The following BBX variants were observed in gnomAD, a reference collection of about 807,000 sequenced individuals.
The protein encoded by BBX is HMG box transcription factor BBX.
In BBX, 30 loss-of-function variants were observed where a neutral mutation model predicts 100.2. That is an observed-to-expected ratio of 0.30 (90% CI 0.22 to 0.41). The LOEUF is 0.41. Ranked by LOEUF, BBX falls within the 10% of genes least tolerant of loss-of-function variation. BBX has a pLI of 1.00. For synonymous variants in BBX, 376 were observed against 388.1 expected (o/e 0.97, Z 0.37); for missense variants, 1,023 against 1,129.8 (o/e 0.91, Z 1.35).
At chr3:107,583,025 A>T (rs1376515454) in intron 2 of BBX, among the ~76,000 whole-genome samples, 1 of 151,670 alleles carries the variant, frequency 6.6e-6, no homozygotes, top group Non-Finnish European at 1.5e-5. Context: ...ATTAGACGCA[A>T]GGCTGTTAGC....
intron 2 of BBX, among the ~76,000 whole-genome samples, chr3:107,586,795 G>T (rs1253091780): frequency 6.6e-6 from 1 of 151,296 alleles, no homozygotes; most frequent in Non-Finnish European, 1.5e-5. Flanking sequence ...TTTTTGCCCA[G>T]GCTAGAGTGC....
intron 15 of BBX, 147 bp from the exon 16 acceptor site, chr3:107,798,376 A>AT (rs1179582698): frequency 2.7e-6 from 2 of 732,420 alleles, no homozygotes; most frequent in Admixed American, 5.7e-5. Flanking sequence ...GCAACGTTTT[A>AT]TTTCATTTTT....
rs2057909305 is a variant in BBX at position 107,652,672 on chromosome 3, T to G, written c.-10+6763T>G. Among the ~76,000 whole-genome samples the G allele has an allele frequency of 7.2e-5, 11 of 152,142 alleles. No homozygotes were observed. In the South Asian group the frequency reaches 2.3e-3, roughly 32 times the overall value. ...CTACTCTGAAAGGTGTTGGATCAAT[T>G]AAGTATTTTTATATTGAAGTCTGTA... On this transcript the variant is annotated intron_variant, in intron 3 of 17. Transcript: ENST00000325805.
At chr3:107,803,565 A>G (rs1231027105) in intron 17 of BBX, among the ~76,000 whole-genome samples, 1 of 152,244 alleles carries the variant, frequency 6.6e-6, no homozygotes, top group East Asian at 1.9e-4. Flanking sequence ...TACAAAATAC[A>G]CAAAATAGAG....
intron 2 of BBX, among the ~76,000 whole-genome samples, chr3:107,611,631 G>GT (rs2054856707): frequency 6.6e-6 from 1 of 152,030 alleles, no homozygotes; most frequent in Non-Finnish European, 1.5e-5. Flanking sequence ...CAGGTTATTT[G>GT]TTTCTTTCCT....
At chr3:107,635,275 C>A (rs1038073574) in intron 2 of BBX, among the ~76,000 whole-genome samples, 1 of 152,212 alleles carries the variant, frequency 6.6e-6, no homozygotes, top group African/African-American at 2.4e-5. Context: ...CTCACTGAAG[C>A]GAAACACTGT....
intron 2 of BBX, among the ~76,000 whole-genome samples, chr3:107,594,670 G>A (rs533005911): frequency 2.0e-5 from 3 of 152,280 alleles, no homozygotes; most frequent in Admixed American, 1.3e-4. Flanking sequence ...AAACAGGAAT[G>A]AAAATAATAG....
chr3:107,560,440 A>G (rs918264625), intron 2 of BBX, among the ~76,000 whole-genome samples: 4 of 152,246 alleles, frequency 2.6e-5, no homozygotes, highest in African/African-American at 9.6e-5. Flanking sequence ...TCAGCTAGGA[A>G]GTGAGAATAA....
intron 2 of BBX, among the ~76,000 whole-genome samples, chr3:107,596,987 T>A (rs538988135): frequency 1.3e-5 from 2 of 152,234 alleles, no homozygotes; most frequent in Non-Finnish European, 2.9e-5. Flanking sequence ...TAAACTTTTT[T>A]ACTCCTGTAA....
chr3:107,733,147 T>A (rs2063415406), intron 7 of BBX, 124 bp downstream of exon 7: 5 of 825,062 alleles, frequency 6.1e-6, no homozygotes, highest in Non-Finnish European at 9.3e-6. Context: ...CTTTATAATC[T>A]TTCTCTTTAA....
chr3:107,673,960 A>C (rs1179468158), intron 3 of BBX, among the ~76,000 whole-genome samples: 1 of 152,190 alleles, frequency 6.6e-6, no homozygotes, highest in Non-Finnish European at 1.5e-5. Flanking sequence ...GTTGGTGGAC[A>C]GATGTGAACT....
intron 17 of BBX, among the ~76,000 whole-genome samples, chr3:107,801,668 C>G (rs1447749652): frequency 2.0e-5 from 3 of 151,844 alleles, no homozygotes; most frequent in Non-Finnish European, 4.4e-5. Flanking sequence ...GGTTTTTTTC[C>G]TCTAAAAAAA....
intron 7 of BBX, among the ~76,000 whole-genome samples, chr3:107,733,763 C>T (rs1428321163): frequency 6.6e-6 from 1 of 152,192 alleles, no homozygotes; most frequent in Non-Finnish European, 1.5e-5. Flanking sequence ...CCACTGTGCT[C>T]AGCCTGTTTG....
At chr3:107,552,032 T>C (rs923293887) in intron 2 of BBX, among the ~76,000 whole-genome samples, 1 of 152,074 alleles carries the variant, frequency 6.6e-6, no homozygotes, top group Admixed American at 6.5e-5. Flanking sequence ...TGTGAGAGTT[T>C]AGTACAGCGT....
chr3:107,703,448 G>A (rs1263143055), intron 3 of BBX, among the ~76,000 whole-genome samples: 5 of 152,062 alleles, frequency 3.3e-5, no homozygotes, highest in African/African-American at 4.8e-5. Context: ...CTGTCCCAAG[G>A]CTAAGTGTCG....
At chr3:107,633,945 A>G (rs1310094324) in intron 2 of BBX, among the ~76,000 whole-genome samples, 1 of 152,220 alleles carries the variant, frequency 6.6e-6, no homozygotes, top group African/African-American at 2.4e-5. Context: ...TGTTCTTACC[A>G]GATGTAGACA....
intron 3 of BBX, among the ~76,000 whole-genome samples, chr3:107,654,338 A>G (rs1403719974): frequency 6.6e-6 from 1 of 152,182 alleles, no homozygotes; most frequent in African/African-American, 2.4e-5. Flanking sequence ...AACAAAAGAT[A>G]TATCTTTCTA....
rs574443392 is a variant in BBX at position 107,631,373 on chromosome 3, C to T, written c.-83-14463C>T. 5.9e-5 allele frequency among the ~76,000 whole-genome samples: 9 copies of T among 152,202 alleles called. No homozygotes were observed. In the East Asian group the frequency reaches 1.4e-3, roughly 23 times the overall value. Reference sequence around the variant, plus strand: ...AAGAAGAAAATCACTGTAGAAGATACGTGCGGTGGGAGAAAGTGAAGTGTT... The same window carrying T: ...AAGAAGAAAATCACTGTAGAAGATATGTGCGGTGGGAGAAAGTGAAGTGTT... On this transcript the variant is annotated intron_variant, in intron 2 of 17. Transcript: ENST00000325805.
At chr3:107,538,735 G>A (rs564042194) in intron 2 of BBX, among the ~76,000 whole-genome samples, 1 of 152,074 alleles carries the variant, frequency 6.6e-6, no homozygotes, top group South Asian at 2.1e-4. Context: ...ATACATAAGG[G>A]AGCTTTGAAA....
Sources: allele counts gnomAD v4.1 joint callset (sites outside exome capture counted in the v4.1 genomes callset), GRCh38; gene constraint gnomAD v4.1.1; transcripts MANE v1.5; gene names NCBI Gene and HGNC (gene_info 2026-07-23, HGNC 2026-07-21).